Variants in THSD4 observed in about 807,000 individuals in gnomAD.
THSD4 encodes the protein thrombospondin type-1 domain-containing protein 4.
A neutral mutation model predicts 119.0 loss-of-function variants in THSD4; 69 were observed. The observed-to-expected ratio is 0.58, with a 90% CI of 0.48 to 0.71. The LOEUF (loss-of-function observed/expected upper bound fraction) is 0.71. Ranked by LOEUF, THSD4 falls within the 30% of genes least tolerant of loss-of-function variation. The probability of loss-of-function intolerance (pLI) is 0.00; values close to 1 mark genes in which losing one functional copy is unlikely to be tolerated. For missense variants in THSD4, 1,393 were observed against 1,391.1 expected (o/e 1.00, Z -0.02); for synonymous variants, 524 against 540.4 (o/e 0.97, Z 0.42).
chr15:71,497,066 A>C (rs1358873793), intron 7 of THSD4, among the ~76,000 whole-genome samples: 1 of 152,214 alleles, frequency 6.6e-6, no homozygotes, highest in Non-Finnish European at 1.5e-5. Flanking sequence ...CCAACCACCA[A>C]AGAGTATTTT....
chr15:71,225,798 C>G (rs932314379), intron 4 of THSD4, among the ~76,000 whole-genome samples: 1 of 152,026 alleles, frequency 6.6e-6, no homozygotes, highest in East Asian at 1.9e-4. Context: ...GTCTTGGCCT[C>G]CCAGAGTGCT....
At chr15:71,217,048 C>T (rs1009000867) in intron 4 of THSD4, among the ~76,000 whole-genome samples, 7 of 152,142 alleles carry the variant, frequency 4.6e-5, no homozygotes, top group African/African-American at 9.7e-5. Context: ...CTGCCCACCT[C>T]GGTCTCCCAA....
intron 7 of THSD4, among the ~76,000 whole-genome samples, chr15:71,590,337 G>A (rs565011373): frequency 6.6e-5 from 1 of 15,226 alleles, no homozygotes; most frequent in Admixed American, 1.8e-3. Context: ...GTGTGGACCT[G>A]GACTAGGTTG....
chr15:71,706,454 C>T (rs1380477611), intron 8 of THSD4, among the ~76,000 whole-genome samples: 3 of 152,114 alleles, frequency 2.0e-5, no homozygotes, highest in Non-Finnish European at 4.4e-5. Context: ...AAACCTGGTG[C>T]TGGAGTTCAG....
Position 71,582,822 on chromosome 15 carries a change from G to C in THSD4, c.1153-77708G>C, listed in dbSNP as rs77596550. Among the ~76,000 whole-genome samples the C allele has an allele frequency of 4.0e-3, 607 of 152,196 alleles. 1 individual carries two copies. The highest frequency in any genetic ancestry group is 0.013 in the African/African-American group (558 of 41,538). On this transcript the variant is annotated intron_variant, in intron 7 of 17. Transcript: ENST00000261862. ...TGTCAAACCTTCCTTGCATCCCAAG[G>C]ATAAGTACCACTTGATTGTAGTACA...
intron 7 of THSD4, among the ~76,000 whole-genome samples, chr15:71,532,789 G>T (rs1205957799): frequency 6.6e-6 from 1 of 151,802 alleles, no homozygotes; most frequent in Non-Finnish European, 1.5e-5. Flanking sequence ...TGTTCTATTC[G>T]AAGCAGAAAA....
intron 6 of THSD4, among the ~76,000 whole-genome samples, chr15:71,358,212 G>C (rs149466443): frequency 4.6e-5 from 7 of 152,138 alleles, no homozygotes; most frequent in African/African-American, 1.7e-4. Context: ...GTACGGCATC[G>C]GCCTCCCTCC....
rs377196585 is a variant in THSD4, at chr15:71,141,393, C to G, written c.-79-56C>G. ...TTCTGGTTTTGTTGACCGAGTTACGCTTCTAGAATCTTCCTAAGTAAATGT... is the reference window on the plus strand; with the variant it reads ...TTCTGGTTTTGTTGACCGAGTTACGGTTCTAGAATCTTCCTAAGTAAATGT... On this transcript the variant is annotated intron_variant, in intron 1 of 17. Transcript: ENST00000261862. 12 of 953,908 alleles carry G rather than the reference C, an allele frequency of 1.3e-5. No individual in the cohort carries two copies. In the African/African-American group the frequency reaches 1.7e-4, roughly 13 times the overall value. 59.1% of individuals were successfully genotyped at this position (953,908 alleles called of 1,614,324 possible).
chr15:71,185,685 C>G (rs1049665145), intron 3 of THSD4: 1 of 152,242 alleles, frequency 6.6e-6, no homozygotes, highest in East Asian at 1.9e-4. Context: ...ACAGGGAAGA[C>G]GTGTCACAGA....
intron 16 of THSD4, chr15:71,767,761 G>C (rs910950415): frequency 2.0e-5 from 3 of 152,150 alleles, no homozygotes; most frequent in East Asian, 1.9e-4. Context: ...GGATTCAGAG[G>C]GGGTGGCCGC....
At chr15:71,295,455 G>A (rs1175576074) in intron 6 of THSD4, among the ~76,000 whole-genome samples, 1 of 152,148 alleles carries the variant, frequency 6.6e-6, no homozygotes, top group East Asian at 1.9e-4. Context: ...GACTCATTGA[G>A]ATTGGCAGTC....
intron 6 of THSD4, among the ~76,000 whole-genome samples, chr15:71,397,239 C>G (rs1204744391): frequency 6.6e-6 from 1 of 152,204 alleles, no homozygotes; most frequent in Admixed American, 6.5e-5. Flanking sequence ...TTCCTCCCCT[C>G]CCCTTCACAT....
intron 3 of THSD4, among the ~76,000 whole-genome samples, chr15:71,174,382 A>G (rs2043420534): frequency 6.6e-6 from 1 of 150,718 alleles, no homozygotes; most frequent in African/African-American, 2.4e-5. Context: ...TGATGGACGC[A>G]CCTGGAAAAT....
chr15:71,240,991 G>T (rs1327432887), intron 4 of THSD4, among the ~76,000 whole-genome samples: 1 of 152,050 alleles, frequency 6.6e-6, no homozygotes, highest in Non-Finnish European at 1.5e-5. Context: ...TAAGAATGAA[G>T]GTGCAATTAG....
At chr15:71,163,514 T>C (rs2043265214) in intron 3 of THSD4, among the ~76,000 whole-genome samples, 1 of 152,108 alleles carries the variant, frequency 6.6e-6, no homozygotes, top group African/African-American at 2.4e-5. Context: ...CAGATAAACA[T>C]GACTAATGAT....
At chr15:71,415,091 A>G (rs955796215) in intron 7 of THSD4, among the ~76,000 whole-genome samples, 1 of 152,246 alleles carries the variant, frequency 6.6e-6, no homozygotes, top group African/African-American at 2.4e-5. Context: ...ACTTGCAGAC[A>G]GTTTTCCCTA....
At chr15:71,536,748 T>A (rs529951734) in intron 7 of THSD4, among the ~76,000 whole-genome samples, 19 of 152,294 alleles carry the variant, frequency 1.2e-4, no homozygotes, top group African/African-American at 4.6e-4. Flanking sequence ...TATATTATTA[T>A]TAATTATAGT....
chr15:71,464,931 T>G (rs2047479557), intron 7 of THSD4, among the ~76,000 whole-genome samples: 1 of 152,202 alleles, frequency 6.6e-6, no homozygotes, highest in Non-Finnish European at 1.5e-5. Flanking sequence ...AATGAATATA[T>G]GCACTTTTAA....
chr15:71,163,903 T>TA (rs1192712818), intron 3 of THSD4, among the ~76,000 whole-genome samples: 1 of 150,316 alleles, frequency 6.7e-6, no homozygotes, highest in Non-Finnish European at 1.5e-5. Flanking sequence ...AACTGCAAAA[T>TA]ATAACTGCCA....
Sources: allele counts gnomAD v4.1 joint callset (sites outside exome capture counted in the v4.1 genomes callset), GRCh38; gene constraint gnomAD v4.1.1; transcripts MANE v1.5; gene names NCBI Gene and HGNC (gene_info 2026-07-23, HGNC 2026-07-21).